Variants in COL9A3 observed in about 807,000 individuals in gnomAD.
COL9A3 encodes the protein collagen alpha-3(IX) chain.
A neutral mutation model predicts 110.2 loss-of-function variants in COL9A3; 82 were observed. The ratio of observed to expected loss-of-function variants is 0.74; its 90% CI spans 0.62 to 0.89. COL9A3 has a LOEUF of 0.89. Ranked by LOEUF, COL9A3 falls within the 40% of genes least tolerant of loss-of-function variation. The pLI, the probability that COL9A3 is intolerant of heterozygous loss-of-function variation, is 0.00. For synonymous variants in COL9A3, 494 were observed against 403.8 expected (o/e 1.22, Z -2.68); for missense variants, 1,066 against 981.3 (o/e 1.09, Z -1.15).
rs2147210613 is a variant in COL9A3 at position 62,826,775 on chromosome 20, T to C, written c.747T>C (p.Ile249=). The C allele has an allele frequency of 6.2e-7, 1 of 1,612,694 alleles. No homozygotes were observed. The highest frequency in any genetic ancestry group is 1.3e-5 in the African/African-American group (1 of 75,026). Residue 249 remains isoleucine, a synonymous_variant, in exon 15 of 32, where the codon ATT becomes ATC. Transcript: ENST00000649368. ...CCCTCTCTCCTCTGCAGGGTCCCAT[T>C]GGGTTCCGAGGGCCGCCTGGGATCC... The part of the protein sequence containing the change: ...PLGPPGDRGP[I]GFRGPPGIPG...
intron 15 of COL9A3, 78 bp from the exon 16 acceptor site, chr20:62,827,163 C>A: frequency 6.8e-7 from 1 of 1,473,450 alleles, no homozygotes; most frequent in Non-Finnish European, 9.5e-7. Flanking sequence ...CCCGCCCGGG[C>A]CTGGAGGGGC....
intron 15 of COL9A3, 23 bp downstream of exon 15, chr20:62,826,843 G>A: frequency 6.2e-7 from 1 of 1,612,130 alleles, no homozygotes; most frequent in Non-Finnish European, 8.5e-7. Context: ...GTGGACGGTG[G>A]GCGCCATGCC....
At chr20:62,818,131 G>C (rs1307608406) in intron 2 of COL9A3, among the ~76,000 whole-genome samples, 1 of 151,008 alleles carries the variant, frequency 6.6e-6, no homozygotes, top group Non-Finnish European at 1.5e-5. Context: ...GCCTCCCTCG[G>C]AGGGACCGTC....
intron 12 of COL9A3, among the ~76,000 whole-genome samples, chr20:62,825,276 C>A (rs2063543593): frequency 6.6e-6 from 1 of 152,126 alleles, no homozygotes; most frequent in Non-Finnish European, 1.5e-5. Flanking sequence ...CCTGGCTGGT[C>A]AGAGCTGGGT....
intron 30 of COL9A3, among the ~76,000 whole-genome samples, chr20:62,837,728 A>G (rs1040816120): frequency 3.9e-5 from 6 of 152,012 alleles, no homozygotes; most frequent in African/African-American, 1.5e-4. Context: ...AATCTCTTGA[A>G]CCCTGAAGGC....
At chr20:62,836,024 A>T in intron 27 of COL9A3, 71 bp downstream of exon 27, 6 of 1,611,520 alleles carry the variant, frequency 3.7e-6, no homozygotes, top group Non-Finnish European at 5.1e-6. Flanking sequence ...ACCTCTGGGC[A>T]ACCAGGCAGC....
chr20:62,820,119 G>A (rs969349157), intron 5 of COL9A3, 137 bp downstream of exon 5: 7 of 1,005,056 alleles, frequency 7.0e-6, no homozygotes, highest in Non-Finnish European at 9.1e-6. Flanking sequence ...GGGGTGGAGG[G>A]GCAGAAGGGC....
chr20:62,819,306 G>T lies in COL9A3; in HGVS notation c.255+13G>T. 8 of 1,587,570 alleles carry T rather than the reference G, an allele frequency of 5.0e-6. No homozygotes were observed. The highest frequency in any genetic ancestry group is 6.9e-6 in the Non-Finnish European group (8 of 1,166,460). ...GCCGGGTGTGGATGTGAGTGCGCCT[G>T]CCCCTCCCCGCCATGCCCCACTCCC... On this transcript the variant is annotated intron_variant, in intron 4 of 31. Coordinates refer to ENST00000649368, the MANE Select transcript of COL9A3 (RefSeq NM_001853.4).
Position 62,827,310 on chromosome 20 carries a change from G to T in COL9A3, c.846+16G>T. ...GGGTGACCTCGTAAGTGAGAGGGAAGTTGGTTCCCTGGGTCCTTATGTGGA... is the reference window on the plus strand; with the variant it reads ...GGGTGACCTCGTAAGTGAGAGGGAATTTGGTTCCCTGGGTCCTTATGTGGA... On this transcript the variant is annotated intron_variant, in intron 16 of 31. Transcript: ENST00000649368. The T allele has an allele frequency of 6.2e-7, 1 of 1,612,306 alleles. No homozygotes were observed. The highest frequency in any genetic ancestry group is 8.5e-7 in the Non-Finnish European group (1 of 1,179,402).
At chr20:62,824,523 C>T (rs765009694) in intron 11 of COL9A3, 22 bp downstream of exon 11, 4 of 1,574,332 alleles carry the variant, frequency 2.5e-6, no homozygotes, top group South Asian at 1.2e-5. Context: ...GTGACTGGGA[C>T]CCAAGCACCA....
intron 10 of COL9A3, 38 bp downstream of exon 10, chr20:62,822,670 G>T (rs1415163433): frequency 1.9e-6 from 3 of 1,605,278 alleles, no homozygotes; most frequent in Non-Finnish European, 2.5e-6. Flanking sequence ...GTGCTGGGGG[G>T]TGCCTACCTT....
At chr20:62,819,186 C>T (rs768383885) in intron 3 of COL9A3, 36 bp from the exon 4 acceptor site, 2 of 1,602,722 alleles carry the variant, frequency 1.2e-6, no homozygotes, top group Middle Eastern at 1.7e-4. Flanking sequence ...CAGGCCAGAC[C>T]CCGCCTTCAC....
At position 62,838,776 on chromosome 20, in the gene COL9A3, C is replaced by T. The variant is rs745433531; in HGVS notation, c.1864+15C>T. On this transcript the variant is annotated intron_variant, in intron 31 of 31. Coordinates refer to ENST00000649368, the MANE Select transcript of COL9A3 (RefSeq NM_001853.4). ...GGGGCCCCAAGGTACGAGTCCACGG[C>T]CAGCAAGGCTTCACTGGGTGACATC... The T allele has an allele frequency of 6.5e-7, 1 of 1,548,486 alleles. No individual in the cohort carries two copies. Among genetic ancestry groups the T allele is most frequent in the Non-Finnish European group, 8.7e-7 (1 of 1,144,450 alleles).
chr20:62,820,510 A>G (rs541522805), intron 5 of COL9A3, among the ~76,000 whole-genome samples: 1 of 152,286 alleles, frequency 6.6e-6, no homozygotes, highest in South Asian at 2.1e-4. Flanking sequence ...CCCCAGGCGC[A>G]AAGCATCACA....
At chr20:62,835,405 C>T (rs1363878565) in intron 26 of COL9A3, among the ~76,000 whole-genome samples, 1 of 152,198 alleles carries the variant, frequency 6.6e-6, no homozygotes, top group African/African-American at 2.4e-5. Flanking sequence ...GAACCCACTG[C>T]GGAGACAACG....
At chr20:62,838,017 T>G (rs1479566908) in intron 30 of COL9A3, among the ~76,000 whole-genome samples, 2 of 152,220 alleles carry the variant, frequency 1.3e-5, no homozygotes, top group Non-Finnish European at 2.9e-5. Context: ...ATTAGAGGGA[T>G]GTGAAAATGC....
At chr20:62,825,945 C>A in intron 13 of COL9A3, 75 bp downstream of exon 13, 1 of 1,469,890 alleles carries the variant, frequency 6.8e-7, no homozygotes, top group Non-Finnish European at 9.3e-7. Context: ...CACATATCTA[C>A]CCCCGAGGGG....
intron 31 of COL9A3, among the ~76,000 whole-genome samples, chr20:62,839,480 G>A (rs1001526486): frequency 2.6e-5 from 4 of 152,204 alleles, no homozygotes; most frequent in African/African-American, 7.2e-5. Flanking sequence ...GTCTTAGCCT[G>A]GTGCCTTCTC....
At position 62,833,053 on chromosome 20, in the gene COL9A3, A is replaced by G. The variant is rs771961053; in HGVS notation, c.1357A>G (p.Lys453Glu). Residue 453 changes from lysine (K) to glutamate (E), a missense_variant, in exon 26 of 32, where the codon AAA (lysine) becomes GAA (glutamate). Physicochemically the swap from Lys to Glu is moderately conservative, Grantham distance 56. Coordinates refer to ENST00000649368, the MANE Select transcript of COL9A3 (RefSeq NM_001853.4). ...IAGSDGLPGD[K>E]GELGPSGLVG... ...AGGTTCCGACGGTCTTCCTGGGGAT[A>G]AAGGAGAACTGGTGAGTAATTAGGT... 24 of 1,613,434 alleles carry G rather than the reference A, an allele frequency of 1.5e-5. 1 individual carries two copies. The Admixed American group carries it at 2.3e-4, about 16-fold the overall frequency.
Sources: gnomAD v4.1 joint callset for allele counts (sites outside exome capture counted in the v4.1 genomes callset) on GRCh38, gnomAD v4.1.1 for gene constraint, MANE v1.5 for transcripts, NCBI Gene and HGNC (gene_info 2026-07-23, HGNC 2026-07-21) for gene names.